Variants in CDH18 observed in about 807,000 individuals in gnomAD.
The protein encoded by CDH18 is cadherin-18.
CDH18 carries 31 observed loss-of-function variants against 67.9 expected under a neutral mutation model. The ratio of observed to expected loss-of-function variants is 0.46; its 90% confidence interval spans 0.34 to 0.62. The LOEUF is 0.62. Among genes scored for constraint, CDH18 ranks in the 20% least tolerant of loss-of-function variants. The pLI, the probability that CDH18 is intolerant of heterozygous loss-of-function variation, is 0.01. For synonymous variants in CDH18, 362 were observed against 347.2 expected, an observed-to-expected ratio of 1.04 and a Z score of -0.48; for missense variants, 890 against 975.5, an observed-to-expected ratio of 0.91 and a Z score of 1.17.
chr5:20,036,924 T>G (rs1302491905), intron 2 of CDH18, among the ~76,000 whole-genome samples: 1 of 152,102 alleles, frequency 6.6e-6, no homozygotes, highest in African/African-American at 2.4e-5. Flanking sequence ...CATCAGAGAT[T>G]AGGATTGCAA....
intron 1 of CDH18, among the ~76,000 whole-genome samples, chr5:20,384,111 C>A (rs1744121502): frequency 6.6e-6 from 1 of 151,926 alleles, no homozygotes; most frequent in Non-Finnish European, 1.5e-5. Flanking sequence ...CTTACTTTGG[C>A]AAAAACACTT....
chr5:20,538,268 T>C (rs1441135981), intron 1 of CDH18, among the ~76,000 whole-genome samples: 1 of 152,144 alleles, frequency 6.6e-6, no homozygotes, highest in Non-Finnish European at 1.5e-5. Flanking sequence ...TAAGAATTGC[T>C]TTCAAAACTA....
intron 8 of CDH18, among the ~76,000 whole-genome samples, chr5:19,561,960 G>A (rs1739533671): frequency 6.6e-6 from 1 of 152,064 alleles, no homozygotes; most frequent in Admixed American, 6.6e-5. Flanking sequence ...TCAAAATACA[G>A]GTTGTAGACA....
At chr5:19,652,668 G>A (rs956568322) in intron 5 of CDH18, among the ~76,000 whole-genome samples, 57 of 152,034 alleles carry the variant, frequency 3.7e-4, no homozygotes, top group East Asian at 2.1e-3. Context: ...GACGATTGGC[G>A]TTTATAAAGA....
chr5:20,369,803 T>A (rs1041173900), intron 1 of CDH18, among the ~76,000 whole-genome samples: 7 of 152,188 alleles, frequency 4.6e-5, no homozygotes, highest in Non-Finnish European at 8.8e-5. Flanking sequence ...TCAAGATAAA[T>A]AAGCACACAG....
chr5:19,944,075 G>A (rs567346967), intron 2 of CDH18, among the ~76,000 whole-genome samples: 1 of 152,142 alleles, frequency 6.6e-6, no homozygotes, highest in South Asian at 2.1e-4. Flanking sequence ...AAGAGGTCAG[G>A]ATGAATGTAC....
chr5:20,265,187 C>A (rs1022127049), intron 1 of CDH18, among the ~76,000 whole-genome samples: 1 of 152,032 alleles, frequency 6.6e-6, no homozygotes, highest in African/African-American at 2.4e-5. Context: ...ATGTCCTTTT[C>A]TTTAACTACA....
rs1743934325 is a variant in CDH18, at chr5:20,252,492, A to G, written c.-518+2952T>C. Among the ~76,000 whole-genome samples, 3 of 152,184 alleles carry G rather than the reference A, an allele frequency of 2.0e-5. No individual in the cohort carries two copies. In the South Asian group the frequency reaches 6.2e-4, roughly 31 times the overall value. ...ATGATAAGGGCTTTTGTGTTAGTAA[A>G]CATTATCAGTAAAACAGATTTACAC... On this transcript the variant is annotated intron_variant, in intron 2 of 14. Coordinates refer to the CDH18 transcript ENST00000507958.
At chr5:20,101,291 G>A (rs1469049525) in intron 2 of CDH18, among the ~76,000 whole-genome samples, 1 of 152,096 alleles carries the variant, frequency 6.6e-6, no homozygotes, top group African/African-American at 2.4e-5. Flanking sequence ...CAGATAATAT[G>A]ATTGGTTTCA....
intron 2 of CDH18, among the ~76,000 whole-genome samples, chr5:20,225,893 T>A (rs1741587315): frequency 6.6e-6 from 1 of 152,020 alleles, no homozygotes; most frequent in African/African-American, 2.4e-5. Context: ...GATATAGTAA[T>A]AATGAATGTT....
chr5:20,194,800 G>GT (rs1402080814), intron 2 of CDH18, among the ~76,000 whole-genome samples: 2 of 151,718 alleles, frequency 1.3e-5, no homozygotes, highest in Admixed American at 6.6e-5. Context: ...TTCCTCCCTC[G>GT]TTACCCTTAC....
chr5:19,926,621 T>G (rs1204130089), intron 2 of CDH18, among the ~76,000 whole-genome samples: 2 of 152,154 alleles, frequency 1.3e-5, no homozygotes, highest in African/African-American at 4.8e-5. Context: ...CTAAATAATG[T>G]AATATATATT....
intron 2 of CDH18, among the ~76,000 whole-genome samples, chr5:19,898,448 T>C (rs1789580249): frequency 6.6e-6 from 1 of 152,026 alleles, no homozygotes; most frequent in African/African-American, 2.4e-5. Context: ...ATAAAATTAA[T>C]CAAGAATGTT....
At chr5:19,729,112 A>G (rs1767253810) in intron 4 of CDH18, among the ~76,000 whole-genome samples, 1 of 152,178 alleles carries the variant, frequency 6.6e-6, no homozygotes, top group African/African-American at 2.4e-5. Context: ...GCAATTGTTA[A>G]TTTCTGTGCA....
chr5:20,364,534 G>A (rs1051480588), intron 1 of CDH18, among the ~76,000 whole-genome samples: 1 of 152,048 alleles, frequency 6.6e-6, no homozygotes. Context: ...TTTAGAACAT[G>A]TTTTCAGAAT....
At chr5:19,636,064 G>T (rs1434258839) in intron 5 of CDH18, among the ~76,000 whole-genome samples, 1 of 152,062 alleles carries the variant, frequency 6.6e-6, no homozygotes, top group East Asian at 1.9e-4. Flanking sequence ...CTCAATCAAT[G>T]ATTTTCAGTT....
intron 2 of CDH18, among the ~76,000 whole-genome samples, chr5:20,104,174 T>C (rs1746722601): frequency 6.6e-6 from 1 of 151,216 alleles, no homozygotes; most frequent in Non-Finnish European, 1.5e-5. Context: ...TTGATAGATA[T>C]ATTTAAATCC....
intron 11 of CDH18, among the ~76,000 whole-genome samples, chr5:19,489,672 T>C (rs1051889676): frequency 2.6e-5 from 4 of 152,212 alleles, no homozygotes; most frequent in African/African-American, 7.2e-5. Flanking sequence ...CTGCCATCTA[T>C]TACCAAGATT....
chr5:19,588,883 C>T (rs1580361514), intron 7 of CDH18, among the ~76,000 whole-genome samples: 1 of 152,102 alleles, frequency 6.6e-6, no homozygotes, highest in East Asian at 1.9e-4. Context: ...TACAGGAGTA[C>T]CCAGATTCAT....
Sources: allele counts gnomAD v4.1 joint callset (sites outside exome capture counted in the v4.1 genomes callset), GRCh38; gene constraint gnomAD v4.1.1; transcripts MANE v1.5; gene names NCBI Gene and HGNC (gene_info 2026-07-23, HGNC 2026-07-21).